LRRC4C: variants seen among roughly 807,000 people sequenced by gnomAD.
LRRC4C encodes the protein leucine rich repeat containing 4C, also known as leucine-rich repeat-containing protein 4C.
In LRRC4C, 5 loss-of-function variants were observed where a neutral mutation model predicts 33.6. The observed-to-expected ratio is 0.15, with a 90% confidence interval of 0.08 to 0.31. The LOEUF (loss-of-function observed/expected upper bound fraction) is 0.31, where lower values mean the gene tolerates loss of function less well. Among genes scored for constraint, LRRC4C ranks in the 10% least tolerant of loss-of-function variants. The probability of loss-of-function intolerance (pLI) is 1.00; values close to 1 mark genes in which losing one functional copy is unlikely to be tolerated. For synonymous variants in LRRC4C, 329 were observed against 302.0 expected, an observed-to-expected ratio of 1.09 and a Z score of -0.93; for missense variants, 560 against 796.7, an observed-to-expected ratio of 0.70 and a Z score of 3.58.
intron 1 of LRRC4C, among the ~76,000 whole-genome samples, chr11:41,087,456 C>A (rs1401550627): frequency 1.3e-5 from 2 of 152,038 alleles, no homozygotes; most frequent in Admixed American, 6.6e-5. Flanking sequence ...TGTAGTTCTC[C>A]TTCATCATCT....
chr11:40,651,028 A>G (rs1368062765), intron 2 of LRRC4C, among the ~76,000 whole-genome samples: 1 of 152,208 alleles, frequency 6.6e-6, no homozygotes, highest in Admixed American at 6.5e-5. Context: ...CCAAAATCCC[A>G]TCTTAATAGA....
intron 3 of LRRC4C, among the ~76,000 whole-genome samples, chr11:40,365,096 C>A (rs1948147933): frequency 6.9e-6 from 1 of 144,768 alleles, no homozygotes; most frequent in African/African-American, 2.5e-5. Context: ...CAGTAGAAAA[C>A]TGGATCCACA....
At chr11:41,133,910 C>T (rs527271535) in intron 1 of LRRC4C, among the ~76,000 whole-genome samples, 1 of 152,210 alleles carries the variant, frequency 6.6e-6, no homozygotes, top group South Asian at 2.1e-4. Context: ...AGATAGTCTG[C>T]TGAAACTATG....
chr11:41,206,659 T>G lies in LRRC4C; in HGVS notation c.-496+252772A>C, dbSNP rs535124383. On this transcript the variant is annotated intron_variant, in intron 1 of 6. Transcript: ENST00000528697. Reference sequence around the variant, plus strand: ...TAATGTAGGCTTTGCAAGGACACAGTTTTGAATCCCTTGCTCCAAAGCCTG... The same window carrying G: ...TAATGTAGGCTTTGCAAGGACACAGGTTTGAATCCCTTGCTCCAAAGCCTG... 3.3e-5 allele frequency among the ~76,000 whole-genome samples: 5 copies of G among 152,284 alleles called. No individual in the cohort carries two copies. The South Asian group carries it at 8.3e-4, about 25-fold the overall frequency.
chr11:40,889,367 A>T (rs934367062), intron 2 of LRRC4C, among the ~76,000 whole-genome samples: 7 of 152,102 alleles, frequency 4.6e-5, no homozygotes, highest in African/African-American at 1.7e-4. Context: ...TTATATCTGC[A>T]TGCAAATATA....
rs561923389 is a variant in LRRC4C at position 40,730,624 on chromosome 11, C to T, written c.-406-82346G>A. ...TATTCTAATGTCTGGTCCAACACAT[C>T]GTCTCTTTCACTTATCACAGAGGCT... is the stretch of plus-strand genomic sequence containing the variant. On this transcript the variant is annotated intron_variant, in intron 2 of 6. Coordinates refer to ENST00000528697, the MANE Select transcript of LRRC4C (RefSeq NM_001258419.2). Among the ~76,000 whole-genome samples the T allele has an allele frequency of 2.0e-5, 3 of 152,224 alleles. No individual in the cohort carries two copies. In the South Asian group the frequency reaches 6.2e-4, roughly 32 times the overall value.
intron 1 of LRRC4C, among the ~76,000 whole-genome samples, chr11:41,026,742 C>T (rs980208787): frequency 6.6e-6 from 1 of 150,848 alleles, no homozygotes; most frequent in African/African-American, 2.4e-5. Context: ...CCCTCCACTA[C>T]AAAAAAAGAT....
At chr11:41,126,070 A>G (rs990496466) in intron 1 of LRRC4C, among the ~76,000 whole-genome samples, 9 of 152,138 alleles carry the variant, frequency 5.9e-5, no homozygotes, top group African/African-American at 2.2e-4. Context: ...AATTTTAAAA[A>G]TGTCTAATGC....
At chr11:41,227,064 G>T (rs1947574102) in intron 1 of LRRC4C, among the ~76,000 whole-genome samples, 2 of 151,820 alleles carry the variant, frequency 1.3e-5, no homozygotes, top group South Asian at 4.2e-4. Flanking sequence ...AAGATAATGG[G>T]CAAGACTAGT....
chr11:40,580,872 T>G (rs927155628), intron 3 of LRRC4C, among the ~76,000 whole-genome samples: 2 of 152,254 alleles, frequency 1.3e-5, no homozygotes, highest in Non-Finnish European at 2.9e-5. Context: ...CCAAAGTAGC[T>G]TAAAAAGTTT....
At chr11:41,338,484 G>A (rs1951527026) in intron 1 of LRRC4C, among the ~76,000 whole-genome samples, 1 of 152,064 alleles carries the variant, frequency 6.6e-6, no homozygotes, top group African/African-American at 2.4e-5. Flanking sequence ...AGATGTGGGA[G>A]CTGAACAGTG....
chr11:40,245,007 G>T (rs1590806361), intron 4 of LRRC4C, among the ~76,000 whole-genome samples: 2 of 152,138 alleles, frequency 1.3e-5, no homozygotes, highest in South Asian at 4.1e-4. Context: ...GGCTCCTAAA[G>T]AATTATTCAG....
At chr11:41,383,456 A>G (rs1397739192) in intron 1 of LRRC4C, among the ~76,000 whole-genome samples, 4 of 152,068 alleles carry the variant, frequency 2.6e-5, no homozygotes, top group Non-Finnish European at 4.4e-5. Flanking sequence ...TCAGAATTAA[A>G]ATATTGTATG....
intron 3 of LRRC4C, among the ~76,000 whole-genome samples, chr11:40,356,309 T>G (rs994228831): frequency 3.9e-5 from 6 of 152,212 alleles, no homozygotes; most frequent in African/African-American, 1.4e-4. Context: ...ACACCTCCGA[T>G]GTTATGATGA....
At chr11:40,432,351 G>C (rs1950968135) in intron 3 of LRRC4C, among the ~76,000 whole-genome samples, 1 of 151,986 alleles carries the variant, frequency 6.6e-6, no homozygotes, top group Non-Finnish European at 1.5e-5. Context: ...CCTATGTACT[G>C]GTTACTCACA....
At chr11:41,021,474 A>T (rs1294535054) in intron 1 of LRRC4C, among the ~76,000 whole-genome samples, 1 of 152,116 alleles carries the variant, frequency 6.6e-6, no homozygotes, top group East Asian at 1.9e-4. Context: ...GATATATACT[A>T]AACCCTAAGT....
intron 5 of LRRC4C, among the ~76,000 whole-genome samples, chr11:40,161,546 G>T (rs572941279): frequency 6.6e-6 from 1 of 152,262 alleles, no homozygotes; most frequent in South Asian, 2.1e-4. Flanking sequence ...CTGAGCTCAG[G>T]AGTTCAAGAC....
chr11:40,246,946 A>T (rs1452470), intron 4 of LRRC4C, among the ~76,000 whole-genome samples: 1 of 151,966 alleles, frequency 6.6e-6, no homozygotes. Context: ...CAACAAAGAG[A>T]AATAATACCA....
intron 3 of LRRC4C, among the ~76,000 whole-genome samples, chr11:40,388,215 A>C (rs1949190821): frequency 6.6e-6 from 1 of 152,156 alleles, no homozygotes; most frequent in South Asian, 2.1e-4. Flanking sequence ...TGAGGCCCGG[A>C]TAAGATGAAT....
Sources: gnomAD v4.1 joint callset for allele counts (sites outside exome capture counted in the v4.1 genomes callset) on GRCh38, gnomAD v4.1.1 for gene constraint, MANE v1.5 for transcripts, NCBI Gene and HGNC (gene_info 2026-07-23, HGNC 2026-07-21) for gene names.